Variants in MAGI1 observed in about 807,000 individuals in gnomAD.
The protein encoded by MAGI1 is membrane associated guanylate kinase, WW and PDZ domain containing 1.
MAGI1 carries 58 observed loss-of-function variants against 139.9 expected under a neutral mutation model. That is an observed-to-expected ratio of 0.41 (90% CI 0.34 to 0.52). MAGI1 has a LOEUF of 0.52. MAGI1 is among the 20% of genes least tolerant of loss of function. The pLI is 0.12. For synonymous variants in MAGI1, 812 were observed against 737.9 expected (o/e 1.10, Z -1.63); for missense variants, 1,874 against 1,901.6 (o/e 0.99, Z 0.27).
chr3:65,468,975 A>AAATAAATAAATG (rs1421125148), intron 5 of MAGI1, among the ~76,000 whole-genome samples: 1 of 151,036 alleles, frequency 6.6e-6, no homozygotes, highest in African/African-American at 2.4e-5. Context: ...ATAAATAAAT[A>AAATAAATAAATG]AATAAATAAA....
chr3:65,489,505 G>A (rs1951849920), intron 3 of MAGI1, among the ~76,000 whole-genome samples: 1 of 152,052 alleles, frequency 6.6e-6, no homozygotes, highest in South Asian at 2.1e-4. Context: ...AACAGAAGGG[G>A]GAGGTGAGGC....
intron 1 of MAGI1, among the ~76,000 whole-genome samples, chr3:65,996,461 C>G (rs1362538238): frequency 6.8e-6 from 1 of 147,596 alleles, no homozygotes; most frequent in South Asian, 2.1e-4. Context: ...GATACAGGCA[C>G]AGCTGCCAAA....
At chr3:65,469,218 C>T (rs1374455276) in intron 5 of MAGI1, among the ~76,000 whole-genome samples, 1 of 152,062 alleles carries the variant, frequency 6.6e-6, no homozygotes, top group Non-Finnish European at 1.5e-5. Context: ...TGAGATCCTT[C>T]TCATAGTTTT....
intron 21 of MAGI1, among the ~76,000 whole-genome samples, chr3:65,362,568 A>G (rs1940979815): frequency 6.6e-6 from 1 of 152,166 alleles, no homozygotes; most frequent in South Asian, 2.1e-4. Context: ...AACACATTCA[A>G]TGCTCTACCT....
intron 1 of MAGI1, among the ~76,000 whole-genome samples, chr3:65,962,602 A>G (rs1208248614): frequency 1.3e-5 from 2 of 151,434 alleles, no homozygotes; most frequent in African/African-American, 2.4e-5. Flanking sequence ...CGGGAGGCTG[A>G]GGTGGGAAGA....
intron 22 of MAGI1, chr3:65,360,963 C>T (rs993600795): frequency 1.9e-5 from 27 of 1,422,220 alleles, no homozygotes; most frequent in Middle Eastern, 2.5e-4. Flanking sequence ...CTCTGATTAT[C>T]AGAAAGGGGG....
chr3:65,401,470 C>T lies in MAGI1; in HGVS notation c.2168G>A (p.Gly723Glu). The T allele has an allele frequency of 1.9e-6, 3 of 1,611,910 alleles. No individual in the cohort carries two copies. The highest frequency in any genetic ancestry group is 2.5e-6 in the Non-Finnish European group (3 of 1,179,168). The change falls in exon 13 of 23, where the codon GGG (glycine) becomes GAG (glutamate). Residue 723 changes from glycine (G) to glutamate (E), a missense_variant and splice_region_variant. By Grantham distance (98) the Gly-to-Glu change is moderately conservative. Coordinates refer to ENST00000402939, the MANE Select transcript of MAGI1 (RefSeq NM_001033057.2). ...TGGGCTCTTCTTGGGAACTGGCAGC[C>T]CTGGAAAAAATGCAACAAGGAGGGG... The part of the protein sequence containing the change: ...SEVTLLVQRG[G>E]LPVPKKSPKS...
chr3:65,764,650 C>G (rs2037321713), intron 1 of MAGI1, among the ~76,000 whole-genome samples: 1 of 152,188 alleles, frequency 6.6e-6, no homozygotes, highest in South Asian at 2.1e-4. Context: ...CAAAAGCAGA[C>G]AGCAGACATC....
chr3:65,845,479 C>T (rs540836919), intron 1 of MAGI1, among the ~76,000 whole-genome samples: 23 of 152,262 alleles, frequency 1.5e-4, no homozygotes, highest in Non-Finnish European at 2.1e-4. Context: ...AGATAATTCT[C>T]GTTTAGCTTT....
intron 13 of MAGI1, among the ~76,000 whole-genome samples, chr3:65,398,519 T>A (rs1040946207): frequency 1.3e-5 from 2 of 152,010 alleles, no homozygotes; most frequent in African/African-American, 4.8e-5. Flanking sequence ...AGGGGACAGA[T>A]TAAGGGAGAA....
At chr3:65,380,055 G>C (rs563513102) in intron 16 of MAGI1, among the ~76,000 whole-genome samples, 1 of 152,280 alleles carries the variant, frequency 6.6e-6, no homozygotes, top group African/African-American at 2.4e-5. Context: ...TAACGTTGAG[G>C]CTACCCGCCC....
intron 1 of MAGI1, among the ~76,000 whole-genome samples, chr3:65,910,789 C>G (rs1467438888): frequency 1.3e-5 from 2 of 150,418 alleles, no homozygotes; most frequent in African/African-American, 4.9e-5. Flanking sequence ...AGTTAAATCT[C>G]TGCTCATCAC....
At chr3:65,482,155 A>C (rs1951331142) in intron 3 of MAGI1, among the ~76,000 whole-genome samples, 1 of 152,190 alleles carries the variant, frequency 6.6e-6, no homozygotes, top group Non-Finnish European at 1.5e-5. Flanking sequence ...CTCAGAGTTG[A>C]AAGCCCACTA....
At chr3:65,814,577 G>C (rs980189620) in intron 1 of MAGI1, among the ~76,000 whole-genome samples, 3 of 152,086 alleles carry the variant, frequency 2.0e-5, no homozygotes, top group Non-Finnish European at 4.4e-5. Context: ...TTTTTGTTCT[G>C]TTTTGTTTTG....
At chr3:65,705,621 T>G (rs1201220879) in intron 1 of MAGI1, among the ~76,000 whole-genome samples, 1 of 152,230 alleles carries the variant, frequency 6.6e-6, no homozygotes, top group Non-Finnish European at 1.5e-5. Context: ...ATTTATGGCT[T>G]TGAATAATTC....
At chr3:65,617,565 G>A (rs1157709586) in intron 2 of MAGI1, among the ~76,000 whole-genome samples, 4 of 152,148 alleles carry the variant, frequency 2.6e-5, no homozygotes, top group Non-Finnish European at 4.4e-5. Context: ...AAGAGGAGCT[G>A]TGAACGGGCA....
chr3:65,624,214 A>G (rs1414982279), intron 1 of MAGI1, among the ~76,000 whole-genome samples: 1 of 152,178 alleles, frequency 6.6e-6, no homozygotes, highest in Non-Finnish European at 1.5e-5. Flanking sequence ...CAATTTGTCA[A>G]TATCTTAGAA....
chr3:65,581,060 T>A (rs2081396105), intron 2 of MAGI1, among the ~76,000 whole-genome samples: 1 of 151,364 alleles, frequency 6.6e-6, no homozygotes, highest in African/African-American at 2.4e-5. Flanking sequence ...ATACCACCCA[T>A]CAAAAATATC....
At position 65,968,228 on chromosome 3, in the gene MAGI1, G is replaced by A. The variant is rs2064852123; in HGVS notation, c.313+69768C>T. On this transcript the variant is annotated intron_variant, in intron 1 of 22. Transcript: ENST00000402939. ...GCAATATCGAACAAAAACATGAAATGTGTCCACCTTTTGAACCAGGAAAGT... is the reference window on the plus strand; with the variant it reads ...GCAATATCGAACAAAAACATGAAATATGTCCACCTTTTGAACCAGGAAAGT... Among the ~76,000 whole-genome samples, 8 of 152,282 alleles carry A rather than the reference G, an allele frequency of 5.3e-5. No homozygotes were observed. The South Asian group carries it at 1.7e-3, about 32-fold the overall frequency.
Sources: allele counts gnomAD v4.1 joint callset (sites outside exome capture counted in the v4.1 genomes callset), GRCh38; gene constraint gnomAD v4.1.1; transcripts MANE v1.5; gene names NCBI Gene and HGNC (gene_info 2026-07-23, HGNC 2026-07-21).